Variants in SEPTIN7 observed in about 807,000 individuals in gnomAD.
The protein encoded by SEPTIN7 is septin 7.
In SEPTIN7, 10 loss-of-function variants were observed where a neutral mutation model predicts 63.3. That is an observed-to-expected ratio of 0.16 (90% CI 0.10 to 0.27). The LOEUF (loss-of-function observed/expected upper bound fraction) is 0.27. Among genes scored for constraint, SEPTIN7 ranks in the 10% least tolerant of loss-of-function variants. SEPTIN7 has a pLI of 1.00. For missense variants in SEPTIN7, 310 were observed against 521.0 expected (o/e 0.59, Z 3.94); for synonymous variants, 131 against 165.3 (o/e 0.79, Z 1.59).
At chr7:35,833,831 T>C (rs1783949916) in intron 3 of SEPTIN7, among the ~76,000 whole-genome samples, 1 of 152,054 alleles carries the variant, frequency 6.6e-6, no homozygotes, top group Admixed American at 6.5e-5. Context: ...TTGAACTAGC[T>C]GTGAAATACT....
chr7:35,834,700 CAT>C (rs1170931833), intron 3 of SEPTIN7, among the ~76,000 whole-genome samples: 1 of 152,066 alleles, frequency 6.6e-6, no homozygotes, highest in Non-Finnish European at 1.5e-5. Flanking sequence ...GTGCCTTATA[CAT>C]AGTCACTTAC....
chr7:35,813,786 C>A (rs1788883496), intron 1 of SEPTIN7, among the ~76,000 whole-genome samples: 1 of 152,164 alleles, frequency 6.6e-6, no homozygotes, highest in South Asian at 2.1e-4. Flanking sequence ...TTTTACCAAC[C>A]ATGACATGAT....
chr7:35,901,589 A>AC (rs1788324882), intron 12 of SEPTIN7: 3 of 152,144 alleles, frequency 2.0e-5, no homozygotes, highest in Admixed American at 1.3e-4. Context: ...TGAGATTGTG[A>AC]CCTGTACCTT....
chr7:35,820,314 A>G (rs1334100506), intron 1 of SEPTIN7, among the ~76,000 whole-genome samples: 1 of 151,956 alleles, frequency 6.6e-6, no homozygotes, highest in Non-Finnish European at 1.5e-5. Flanking sequence ...GGAAGTTTTC[A>G]GTTCTGTTTC....
chr7:35,822,314 G>A (rs1488747371), intron 1 of SEPTIN7, among the ~76,000 whole-genome samples: 4 of 152,010 alleles, frequency 2.6e-5, no homozygotes, highest in East Asian at 1.9e-4. Context: ...CACCCGCCTC[G>A]GACTCCCAAA....
At chr7:35,887,483 A>C (rs1413181182) in intron 10 of SEPTIN7, among the ~76,000 whole-genome samples, 5 of 152,300 alleles carry the variant, frequency 3.3e-5, no homozygotes, top group African/African-American at 1.2e-4. Context: ...AGTAGCTGGG[A>C]TTATAGGCAT....
intron 1 of SEPTIN7, among the ~76,000 whole-genome samples, chr7:35,817,008 G>GTT (rs372234064): frequency 1.4e-4 from 20 of 142,026 alleles, no homozygotes; most frequent in Admixed American, 1.3e-3. Flanking sequence ...AATTCCACAG[G>GTT]TTTTTTTTTT....
intron 1 of SEPTIN7, among the ~76,000 whole-genome samples, chr7:35,826,653 G>A (rs1415285672): frequency 2.6e-5 from 4 of 151,844 alleles, no homozygotes; most frequent in African/African-American, 9.7e-5. Context: ...GTTCCTTCTA[G>A]GGTTGTTTTT....
At chr7:35,868,160 G>A (rs535730051) in intron 4 of SEPTIN7, among the ~76,000 whole-genome samples, 1 of 152,150 alleles carries the variant, frequency 6.6e-6, no homozygotes, top group Admixed American at 6.5e-5. Flanking sequence ...GTGAGCCACC[G>A]CACCCAGCTG....
intron 1 of SEPTIN7, among the ~76,000 whole-genome samples, chr7:35,825,511 C>A (rs866663709): frequency 6.6e-6 from 1 of 152,130 alleles, no homozygotes; most frequent in Middle Eastern, 3.2e-3. Context: ...AGGATCTGAT[C>A]CCAGGATAGG....
chr7:35,824,050 T>C (rs561922614), intron 1 of SEPTIN7, among the ~76,000 whole-genome samples: 1 of 152,118 alleles, frequency 6.6e-6, no homozygotes, highest in African/African-American at 2.4e-5. Flanking sequence ...GACCTTGTAT[T>C]TTCTGGCTGC....
At chr7:35,848,874 T>C (rs1313971817) in intron 3 of SEPTIN7, among the ~76,000 whole-genome samples, 1 of 152,210 alleles carries the variant, frequency 6.6e-6, no homozygotes, top group Admixed American at 6.5e-5. Flanking sequence ...TTTCTGAGTA[T>C]AGCAAGAAAG....
At chr7:35,812,850 G>A (rs1041106642) in intron 1 of SEPTIN7, among the ~76,000 whole-genome samples, 3 of 151,934 alleles carry the variant, frequency 2.0e-5, no homozygotes, top group Non-Finnish European at 4.4e-5. Context: ...TTATAGTATT[G>A]GCTTCTAGAG....
chr7:35,889,495 A>G (rs1787503178), intron 10 of SEPTIN7, among the ~76,000 whole-genome samples: 1 of 152,238 alleles, frequency 6.6e-6, no homozygotes, highest in Non-Finnish European at 1.5e-5. Context: ...TTGTGAAGTA[A>G]CAGTAAAGGT....
At chr7:35,897,983 A>AT (rs36058796) in intron 11 of SEPTIN7, among the ~76,000 whole-genome samples, 50,245 of 151,808 alleles carry the variant, frequency 0.33, 8,529 homozygotes, top group East Asian at 0.4. Context: ...TATTTTGGGA[A>AT]TTTTTTTCCC....
intron 3 of SEPTIN7, among the ~76,000 whole-genome samples, chr7:35,862,740 ATTAACAATAAATACT>A (rs566067625): frequency 6.6e-6 from 1 of 152,320 alleles, no homozygotes; most frequent in Non-Finnish European, 1.5e-5. Flanking sequence ...TAAGTGAATT[ATTAACAATAAATACT>A]TTAACTCTGT....
At chr7:35,801,915 C>T (rs575986104) in intron 1 of SEPTIN7, among the ~76,000 whole-genome samples, 1 of 152,184 alleles carries the variant, frequency 6.6e-6, no homozygotes. Context: ...TCGGGGTTGC[C>T]TCTCTCCAGG....
At chr7:35,899,028 T>C (rs1788134130) in intron 12 of SEPTIN7, 1 of 152,204 alleles carries the variant, frequency 6.6e-6, no homozygotes, top group African/African-American at 2.4e-5. Flanking sequence ...GTTATACATT[T>C]AGTTTCTATT....
chr7:35,912,839 G>T, the SEPTIN7 span, among the ~76,000 whole-genome samples: 2 of 152,216 alleles, frequency 1.3e-5, no homozygotes, highest in Non-Finnish European at 2.9e-5. Flanking sequence ...ACTTTATGAC[G>T]CTGTTGCAGA....
Sources: gnomAD v4.1 joint callset for allele counts (sites outside exome capture counted in the v4.1 genomes callset) on GRCh38, gnomAD v4.1.1 for gene constraint, MANE v1.5 for transcripts, NCBI Gene and HGNC (gene_info 2026-07-23, HGNC 2026-07-21) for gene names.